The following DRC11 variants were observed in gnomAD, a reference collection of about 807,000 sequenced individuals.
The protein encoded by DRC11 is dynein regulatory complex subunit 11, also known as IQ and AAA domain-containing protein 1.
chr2:236,454,769 A>G, the DRC11 span: 1 of 152,226 alleles, frequency 6.6e-6, no homozygotes, highest in Non-Finnish European at 1.5e-5. This position sits in a 1 kb window ranked among gnomAD's most constrained non-coding sequence, Gnocchi z 5.3. Context: ...ACAATTCTGA[A>G]CTTTCTCTTG....
At chr2:236,405,256 GAACA>G in the DRC11 span, among the ~76,000 whole-genome samples, 1 of 152,006 alleles carries the variant, frequency 6.6e-6, no homozygotes, top group East Asian at 1.9e-4. The surrounding 1 kb of genome is among the most constrained non-coding windows in gnomAD (Gnocchi z 4.6). Flanking sequence ...CTTGCTGGCT[GAACA>G]AATAATGAAC....
the DRC11 span, among the ~76,000 whole-genome samples, chr2:236,321,538 A>G: frequency 2.0e-5 from 3 of 152,336 alleles, no homozygotes; most frequent in South Asian, 6.2e-4. Context: ...TGTGATGTAA[A>G]TATCAGCATG....
the DRC11 span, among the ~76,000 whole-genome samples, chr2:236,352,160 C>T: frequency 2.6e-5 from 4 of 151,966 alleles, no homozygotes; most frequent in African/African-American, 7.3e-5. The surrounding 1 kb of genome is among the most constrained non-coding windows in gnomAD (Gnocchi z 7.0). Flanking sequence ...GGGTCTGGAG[C>T]GATAGCTAGC....
At chr2:236,481,638 T>C in the DRC11 span, among the ~76,000 whole-genome samples, 1 of 152,110 alleles carries the variant, frequency 6.6e-6, no homozygotes, top group Admixed American at 6.5e-5. Flanking sequence ...TTTTTTCTAA[T>C]TAACAAAGTA....
the DRC11 span, among the ~76,000 whole-genome samples, chr2:236,434,328 T>C: frequency 6.6e-6 from 1 of 152,358 alleles, no homozygotes; most frequent in Non-Finnish European, 1.5e-5. The surrounding 1 kb of genome is among the most constrained non-coding windows in gnomAD (Gnocchi z 5.5). Flanking sequence ...TATATTGTTA[T>C]AATGACAATG....
At chr2:236,427,296 G>T in the DRC11 span, among the ~76,000 whole-genome samples, 1 of 152,108 alleles carries the variant, frequency 6.6e-6, no homozygotes, top group Non-Finnish European at 1.5e-5. The surrounding 1 kb of genome is among the most constrained non-coding windows in gnomAD (Gnocchi z 5.9). Context: ...CCTCATAAAT[G>T]AATTTGGAAG....
the DRC11 span, among the ~76,000 whole-genome samples, chr2:236,491,108 A>G: frequency 7.9e-6 from 1 of 125,938 alleles, no homozygotes; most frequent in African/African-American, 3.0e-5. Flanking sequence ...GTGTGTGTGT[A>G]TATATATACA....
the DRC11 span, among the ~76,000 whole-genome samples, chr2:236,316,094 C>T: frequency 1.3e-5 from 2 of 152,196 alleles, no homozygotes; most frequent in South Asian, 4.1e-4. This position sits in a 1 kb window ranked among gnomAD's most constrained non-coding sequence, Gnocchi z 6.8. Context: ...ACTGTAACCA[C>T]AAAGACAAAG....
the DRC11 span, among the ~76,000 whole-genome samples, chr2:236,389,646 G>A: frequency 6.6e-6 from 1 of 152,344 alleles, no homozygotes; most frequent in East Asian, 1.9e-4. Flanking sequence ...ACTGGGAGCT[G>A]TAGGCCGGAG....
At chr2:236,404,806 A>G in the DRC11 span, among the ~76,000 whole-genome samples, 1 of 152,212 alleles carries the variant, frequency 6.6e-6, no homozygotes, top group Non-Finnish European at 1.5e-5. Flanking sequence ...AGAAAATAGT[A>G]TACACTAAGT....
the DRC11 span, among the ~76,000 whole-genome samples, chr2:236,424,788 CT>C: frequency 6.6e-6 from 1 of 151,966 alleles, no homozygotes; most frequent in African/African-American, 2.4e-5. Context: ...ACTCTGTACC[CT>C]TTGACCAACA....
the DRC11 span, among the ~76,000 whole-genome samples, chr2:236,487,383 G>A: frequency 1.3e-5 from 2 of 152,180 alleles, no homozygotes; most frequent in South Asian, 4.1e-4. Flanking sequence ...GGAAAATTAG[G>A]GACAGAGTCC....
At chr2:236,460,947 G>A in the DRC11 span, among the ~76,000 whole-genome samples, 27,286 of 152,002 alleles carry the variant, frequency 0.18, 2,799 homozygotes, top group Middle Eastern at 0.27. The surrounding 1 kb of genome is among the most constrained non-coding windows in gnomAD (Gnocchi z 4.0). Context: ...TAGAGACGGG[G>A]TTTCACCATG....
At chr2:236,321,759 T>C in the DRC11 span, among the ~76,000 whole-genome samples, 3 of 152,074 alleles carry the variant, frequency 2.0e-5, no homozygotes, top group African/African-American at 7.2e-5. Flanking sequence ...TCTAGCCTCA[T>C]GCATTTCAAG....
chr2:236,431,559 T>C, the DRC11 span, among the ~76,000 whole-genome samples: 2 of 152,316 alleles, frequency 1.3e-5, no homozygotes, highest in Non-Finnish European at 2.9e-5. The surrounding 1 kb of genome is among the most constrained non-coding windows in gnomAD (Gnocchi z 4.2). Context: ...AGTTGAGATT[T>C]GGGTGGGAAC....
the DRC11 span, among the ~76,000 whole-genome samples, chr2:236,312,983 CA>C: frequency 6.6e-6 from 1 of 151,814 alleles, no homozygotes; most frequent in South Asian, 2.1e-4. Flanking sequence ...CACAACTTAC[CA>C]AAACTGACAC....
the DRC11 span, among the ~76,000 whole-genome samples, chr2:236,380,808 A>G: frequency 2.5e-3 from 388 of 152,246 alleles, 3 homozygotes; most frequent in African/African-American, 8.9e-3. This position sits in a 1 kb window ranked among gnomAD's most constrained non-coding sequence, Gnocchi z 4.9. Context: ...TGGCCTGGAA[A>G]ATCCCAAGTT....
the DRC11 span, among the ~76,000 whole-genome samples, chr2:236,440,384 T>C: frequency 6.6e-6 from 1 of 152,204 alleles, no homozygotes; most frequent in East Asian, 1.9e-4. Flanking sequence ...ATTTTGACAA[T>C]GCCTCTAATG....
the DRC11 span, among the ~76,000 whole-genome samples, chr2:236,347,985 C>T: frequency 1.8e-4 from 28 of 152,084 alleles, no homozygotes; most frequent in Non-Finnish European, 3.4e-4. Context: ...TGAGGAGAAA[C>T]ACCAAGCCGG....
Sources: allele counts gnomAD v4.1 joint callset (sites outside exome capture counted in the v4.1 genomes callset), GRCh38; gene constraint gnomAD v4.1.1; non-coding constraint Gnocchi (gnomAD v3.1); transcripts MANE v1.5; gene names NCBI Gene and HGNC (gene_info 2026-07-23, HGNC 2026-07-21).